SH3D19: variants seen among roughly 807,000 people sequenced by gnomAD.
SH3D19 encodes SH3 domain containing 19.
A neutral mutation model predicts 112.1 loss-of-function variants in SH3D19; 58 were observed. The ratio of observed to expected loss-of-function variants is 0.52; its 90% CI spans 0.42 to 0.64. The LOEUF is 0.64. SH3D19 is among the 30% of genes least tolerant of loss of function. SH3D19 has a pLI of 0.00. For missense variants in SH3D19, 1,090 were observed against 1,263.4 expected (o/e 0.86, Z 2.08); for synonymous variants, 391 against 448.5 (o/e 0.87, Z 1.62).
intron 1 of SH3D19, among the ~76,000 whole-genome samples, chr4:151,323,741 A>T (rs1016747358): frequency 1.3e-5 from 2 of 152,226 alleles, no homozygotes; most frequent in Non-Finnish European, 2.9e-5. Context: ...GAACTGGTGA[A>T]AACTAATTAC....
At chr4:151,208,566 C>T (rs1458801751) in intron 2 of SH3D19, among the ~76,000 whole-genome samples, 1 of 152,050 alleles carries the variant, frequency 6.6e-6, no homozygotes, top group African/African-American at 2.4e-5. Context: ...AATGGGGTTT[C>T]ACCATGTTTG....
rs10713268 is a variant in SH3D19, at chr4:151,121,942, CG to C, written c.*148del. 11,509 of 536,524 alleles carry C rather than the reference CG, an allele frequency of 0.021. 886 individuals are homozygous for C. The highest frequency in any genetic ancestry group is 0.19 in the African/African-American group (9,549 of 51,592). 33.2% of individuals were successfully genotyped at this position (536,524 alleles called of 1,614,324 possible). ...ATGAAAATTAACTACAAAATCTGAA[CG>C]TTTTCTGCTTTCAGAAAATTCTAGT... On this transcript the variant is annotated 3_prime_UTR_variant, in exon 20 of 20. Transcript: ENST00000604030.
rs188900083 is a variant in SH3D19 at position 151,273,344 on chromosome 4, A to C, written c.113-47258T>G. On this transcript the variant is annotated intron_variant, in intron 1 of 19. Transcript: ENST00000604030. ...GGTAGCTCACACCTGTAATCCCAGC[A>C]CTTTGGGAGGCCGAGGCGGGTGGAT... Among the ~76,000 whole-genome samples the C allele has an allele frequency of 4.4e-3, 668 of 152,192 alleles. 1 individual carries two copies. The highest frequency in any genetic ancestry group is 0.014 in the Middle Eastern group (4 of 294).
At chr4:151,278,143 T>C (rs1375226999) in intron 1 of SH3D19, among the ~76,000 whole-genome samples, 3 of 152,090 alleles carry the variant, frequency 2.0e-5, no homozygotes, top group Middle Eastern at 3.2e-3. Context: ...TTAAACCAAA[T>C]AGCACAAAAG....
rs190407627 is a variant in SH3D19, at chr4:151,268,383, T to C, written c.113-42297A>G. On this transcript the variant is annotated intron_variant, in intron 1 of 19. Coordinates refer to ENST00000604030, the MANE Select transcript of SH3D19 (RefSeq NM_001378122.1). Reference sequence around the variant, plus strand: ...TGAGTGAATGTGAACGCCTAGGACATGATAGTACACTACTGTAGACTTTAT... The same window carrying C: ...TGAGTGAATGTGAACGCCTAGGACACGATAGTACACTACTGTAGACTTTAT... 3.0e-3 allele frequency among the ~76,000 whole-genome samples: 461 copies of C among 152,240 alleles called. 5 individuals carry two copies. Among genetic ancestry groups the C allele is most frequent in the African/African-American group, 0.011 (437 of 41,522 alleles).
intron 14 of SH3D19, among the ~76,000 whole-genome samples, chr4:151,136,794 T>C (rs1751947875): frequency 6.6e-6 from 1 of 152,230 alleles, no homozygotes; most frequent in Admixed American, 6.5e-5. Context: ...TGTGGTTGAA[T>C]TTCTCCAAAG....
intron 1 of SH3D19, among the ~76,000 whole-genome samples, chr4:151,290,760 G>T (rs948086523): frequency 6.6e-6 from 1 of 152,162 alleles, no homozygotes; most frequent in African/African-American, 2.4e-5. Flanking sequence ...TTTTAGGTAA[G>T]AATGGATTAC....
chr4:151,206,087 C>A (rs1765064763), intron 2 of SH3D19, among the ~76,000 whole-genome samples: 1 of 152,228 alleles, frequency 6.6e-6, no homozygotes, highest in African/African-American at 2.4e-5. Context: ...TGTCTTCTTT[C>A]ACTGAACATC....
intron 2 of SH3D19, among the ~76,000 whole-genome samples, chr4:151,192,018 C>T (rs1580070604): frequency 2.1e-5 from 3 of 145,358 alleles, no homozygotes; most frequent in African/African-American, 7.7e-5. Flanking sequence ...GATCTTGGCT[C>T]ACTGCAAGCT....
chr4:151,319,487 G>A (rs1730330992), intron 1 of SH3D19, among the ~76,000 whole-genome samples: 3 of 152,202 alleles, frequency 2.0e-5, no homozygotes, highest in Non-Finnish European at 1.5e-5. Context: ...AAAACAGTAA[G>A]CTGGTGGTCC....
At chr4:151,127,569 T>A (rs761061495) in intron 19 of SH3D19, 49 bp downstream of exon 19, 4 of 1,159,464 alleles carry the variant, frequency 3.4e-6, no homozygotes, top group Non-Finnish European at 4.9e-6. Context: ...GGAAAACATT[T>A]AAAAAATTAT....
intron 1 of SH3D19, among the ~76,000 whole-genome samples, chr4:151,251,920 C>T (rs1270266493): frequency 2.6e-5 from 4 of 152,224 alleles, no homozygotes; most frequent in Non-Finnish European, 5.9e-5. Context: ...CCTCCATTCC[C>T]ATCCTCTTTC....
chr4:151,242,894 A>G (rs2149969300), intron 1 of SH3D19, among the ~76,000 whole-genome samples: 1 of 152,312 alleles, frequency 6.6e-6, no homozygotes, highest in East Asian at 1.9e-4. Flanking sequence ...CTGTAAGAAA[A>G]TCTCCCAGAT....
intron 1 of SH3D19, among the ~76,000 whole-genome samples, chr4:151,288,699 C>A (rs1344136445): frequency 6.6e-6 from 1 of 151,736 alleles, no homozygotes; most frequent in Non-Finnish European, 1.5e-5. Context: ...AAGAAAAAAG[C>A]AACTGTATTT....
intron 3 of SH3D19, among the ~76,000 whole-genome samples, chr4:151,179,684 C>T (rs1458585637): frequency 6.6e-6 from 1 of 152,064 alleles, no homozygotes; most frequent in Non-Finnish European, 1.5e-5. Context: ...AAGAAGACAG[C>T]TATTAAATAT....
At chr4:151,262,039 C>T (rs868483313) in intron 1 of SH3D19, among the ~76,000 whole-genome samples, 4 of 152,256 alleles carry the variant, frequency 2.6e-5, no homozygotes, top group Middle Eastern at 6.8e-3. Context: ...CTGAAGACAA[C>T]TTAAATCCGC....
chr4:151,229,208 G>C (rs558569812), intron 1 of SH3D19, among the ~76,000 whole-genome samples: 188 of 152,032 alleles, frequency 1.2e-3, no homozygotes, highest in African/African-American at 4.4e-3. Flanking sequence ...AAATTAATTG[G>C]GGGAGAATAT....
At chr4:151,318,471 C>T (rs1730233178) in intron 1 of SH3D19, among the ~76,000 whole-genome samples, 1 of 151,928 alleles carries the variant, frequency 6.6e-6, no homozygotes, top group South Asian at 2.1e-4. Context: ...ACATGAATGC[C>T]AAAGAAAAGC....
At chr4:151,211,003 C>T (rs953782369) in intron 2 of SH3D19, among the ~76,000 whole-genome samples, 1 of 152,046 alleles carries the variant, frequency 6.6e-6, no homozygotes, top group East Asian at 1.9e-4. Flanking sequence ...GTCAGGAGTT[C>T]GAGACCAGCC....
Sources: gnomAD v4.1 joint callset for allele counts (sites outside exome capture counted in the v4.1 genomes callset) on GRCh38, gnomAD v4.1.1 for gene constraint, MANE v1.5 for transcripts, NCBI Gene and HGNC (gene_info 2026-07-23, HGNC 2026-07-21) for gene names.